Variants in DICER1 observed in about 807,000 individuals in gnomAD.
DICER1 encodes the protein endoribonuclease Dicer.
In DICER1, 43 loss-of-function variants were observed where a neutral mutation model predicts 194.1. The ratio of observed to expected loss-of-function variants is 0.22; its 90% CI spans 0.17 to 0.29. The LOEUF is 0.29. DICER1 is among the 10% of genes least tolerant of loss of function. DICER1 has a pLI of 1.00. For synonymous variants in DICER1, 832 were observed against 820.5 expected, an observed-to-expected ratio of 1.01 and a Z score of -0.24; for missense variants, 1,608 against 2,317.0, an observed-to-expected ratio of 0.69 and a Z score of 6.28.
intron 22 of DICER1, 45 bp downstream of exon 22, chr14:95,099,735 C>T (rs1376236289): frequency 2.0e-5 from 4 of 204,428 alleles, no homozygotes; most frequent in Admixed American, 2.1e-4. Context: ...TCCAGTTACA[C>T]ACACACACAC....
At chr14:95,149,174 C>A (rs1344331276) in intron 1 of DICER1, among the ~76,000 whole-genome samples, 2 of 152,070 alleles carry the variant, frequency 1.3e-5, no homozygotes, top group Non-Finnish European at 2.9e-5. Context: ...GAAAAAGGAG[C>A]CACAATTTTC....
chr14:95,124,098 A>AACCCTC lies in DICER1; in HGVS notation c.1376+92_1376+97dup. 1.2e-6 allele frequency: 1 copy of AACCCTC among 865,684 alleles called. No homozygotes were observed. The highest frequency in any genetic ancestry group is 3.2e-4 in the Middle Eastern group (1 of 3,092). The allele number at this position is 865,684 out of a possible 1,614,324, so 53.6% of individuals were successfully genotyped here. ...GGCGCCAAGTCAAGGACACTTACAT[A>AACCCTC]ACCCTCATGCTAGCTCTTACAGCTG... On this transcript the variant is annotated intron_variant, in intron 8 of 26. Coordinates refer to ENST00000343455, the MANE Select transcript of DICER1 (RefSeq NM_177438.3). The surrounding 1 kb of genome is among the most constrained non-coding windows in gnomAD (Gnocchi z 4.5).
At chr14:95,126,136 A>G (rs2140228629) in intron 7 of DICER1, among the ~76,000 whole-genome samples, 1 of 152,332 alleles carries the variant, frequency 6.6e-6, no homozygotes, top group Non-Finnish European at 1.5e-5. Flanking sequence ...GCTGCTGATG[A>G]TGATGTGGGG....
intron 4 of DICER1, 83 bp from the exon 5 acceptor site, chr14:95,130,275 G>T: frequency 7.5e-7 from 1 of 1,335,294 alleles, no homozygotes; most frequent in Non-Finnish European, 1.1e-6. Flanking sequence ...TAGAGCCATT[G>T]TATCATAAGT....
rs878855250 is a variant in DICER1, at chr14:95,108,444, C to T, written c.2316G>A (p.Val772=). 4 of 1,613,954 alleles carry T rather than the reference C, an allele frequency of 2.5e-6. No individual in the cohort carries two copies. The African/African-American group carries it at 4.0e-5, about 16-fold the overall frequency. The change falls in exon 15 of 27, where the codon GTG becomes GTA. Residue 772 remains valine, a synonymous_variant. Coordinates refer to ENST00000343455, the MANE Select transcript of DICER1 (RefSeq NM_177438.3). The part of the protein sequence containing the change: ...PRPDQPCYLY[V]IGMVLTTPLP... ...AAGGTGTAGTTAAAACCATTCCTAT[C>T]ACATACAGGTAACAGGGCTGATCAG...
rs1555376594 is a variant in DICER1, at chr14:95,133,420, G to A, written c.39C>T (p.Gly13=). 6.2e-7 allele frequency: 1 copy of A among 1,613,944 alleles called. No homozygotes were observed. Among genetic ancestry groups the A allele is most frequent in the Non-Finnish European group, 8.5e-7 (1 of 1,179,912 alleles). The change falls in exon 2 of 27, where the codon GGC becomes GGT. Residue 13 remains glycine, a synonymous_variant. Coordinates refer to ENST00000343455, the MANE Select transcript of DICER1 (RefSeq NM_177438.3). ...AGGAAGCAGGGGTCATGAGCTGCAG[G>A]CCTGCCATGCTGAGGGGTTGCAAAG... The part of the protein sequence containing the change: ...SPALQPLSMA[G]LQLMTPASSP...
intron 21 of DICER1, 99 bp from the exon 22 acceptor site, chr14:95,100,034 A>C: frequency 7.6e-7 from 1 of 1,310,868 alleles, no homozygotes; most frequent in Non-Finnish European, 1.1e-6. Flanking sequence ...TCTTAAAATT[A>C]ATCAATTAAT....
At chr14:95,125,644 G>A (rs1333081729) in intron 7 of DICER1, among the ~76,000 whole-genome samples, 2 of 33,918 alleles carry the variant, frequency 5.9e-5, no homozygotes, top group African/African-American at 1.5e-4. Flanking sequence ...GGAGGGGGAG[G>A]AGGAGAGGAG....
chr14:95,090,974 G>C, intron 26 of DICER1, 60 bp downstream of exon 26: 1 of 1,454,310 alleles, frequency 6.9e-7, no homozygotes, highest in Non-Finnish European at 9.6e-7. Flanking sequence ...ATATCTTTGT[G>C]AACTTTTCCC....
At chr14:95,117,238 A>C (rs1185370361) in intron 9 of DICER1, among the ~76,000 whole-genome samples, 2 of 152,158 alleles carry the variant, frequency 1.3e-5, no homozygotes, top group Admixed American at 1.3e-4. Flanking sequence ...TAGGCCTTTA[A>C]ATGAAAAAAA....
intron 1 of DICER1, chr14:95,141,125 G>C (rs1365539689): frequency 6.6e-6 from 1 of 151,990 alleles, no homozygotes; most frequent in African/African-American, 2.4e-5. Context: ...ATAAACGAAA[G>C]AAATAAAGAA....
At position 95,096,313 on chromosome 14, in the gene DICER1, C is replaced by T. The variant is rs1486849070; in HGVS notation, c.4607G>A (p.Gly1536Asp). The T allele has an allele frequency of 6.2e-7, 1 of 1,614,202 alleles. No individual in the cohort carries two copies. Among genetic ancestry groups the T allele is most frequent in the East Asian group, 2.2e-5 (1 of 44,890 alleles). The change falls in exon 23 of 27, where the codon GGT becomes GAT. Residue 1536 changes from glycine to aspartate, a missense_variant. Gly to Asp is a moderately conservative substitution (Grantham distance 94, BLOSUM62 -1). Around this residue, in one of 10 missense-constraint regions of DICER1, gnomAD observed 164 missense variants for 183.7 expected, o/e 0.89. Transcript: ENST00000343455. ...AATGGACTGCTTTCCCGTGTCAACACCACAGTTTTCTTCTGATGGATTCCA... is the reference window on the plus strand; with the variant it reads ...AATGGACTGCTTTCCCGTGTCAACATCACAGTTTTCTTCTGATGGATTCCA... ...GFWNPSEENC[G>D]VDTGKQSISY...
At chr14:95,128,551 T>C (rs919003267) in intron 6 of DICER1, among the ~76,000 whole-genome samples, 5 of 152,226 alleles carry the variant, frequency 3.3e-5, no homozygotes, top group African/African-American at 1.2e-4. Flanking sequence ...CAAAGAAAAT[T>C]TTCCTCAAAT....
intron 10 of DICER1, 30 bp from the exon 11 acceptor site, chr14:95,115,851 GA>G: frequency 6.2e-7 from 1 of 1,611,184 alleles, no homozygotes; most frequent in Non-Finnish European, 8.5e-7. Flanking sequence ...AACTTATGAT[GA>G]AAACACATCC....
At position 95,103,887 on chromosome 14, in the gene DICER1, G is replaced by C. The variant is rs1484416477; in HGVS notation, c.3509C>G (p.Ala1170Gly). ...SPGKLHVEVSADLTAINGLSY... is the reference protein window; with the variant it reads ...SPGKLHVEVSGDLTAINGLSY... ...AAGACCATTAATTGCTGTAAGATCTGCTGAAACTTCAACGTGGAGCTTACC... is the reference window on the plus strand; with the variant it reads ...AAGACCATTAATTGCTGTAAGATCTCCTGAAACTTCAACGTGGAGCTTACC... Residue 1170 changes from alanine to glycine, a missense_variant, in exon 21 of 27, where the codon GCA becomes GGA. Transcript: ENST00000343455. 1 of 1,614,152 alleles carries C rather than the reference G, an allele frequency of 6.2e-7. No homozygotes were observed. The highest frequency in any genetic ancestry group is 1.1e-5 in the South Asian group (1 of 91,074).
intron 10 of DICER1, among the ~76,000 whole-genome samples, 160 bp from the exon 11 acceptor site, chr14:95,115,981 A>G (rs930570295): frequency 6.6e-6 from 1 of 151,910 alleles, no homozygotes; most frequent in African/African-American, 2.4e-5. Flanking sequence ...CCTTCTTCCA[A>G]TGAATCCCTC....
At position 95,090,355 on chromosome 14, in the gene DICER1, C is replaced by T. The variant is rs1889680376; in HGVS notation, c.*143G>A. ...TATGTTAAATGTTTTATTCTGTTAT[C>T]TATCCTGTTATCAACCAAACTTTAA... On this transcript the variant is annotated 3_prime_UTR_variant, in exon 27 of 27. Coordinates refer to ENST00000343455, the MANE Select transcript of DICER1 (RefSeq NM_177438.3). 1 of 890,802 alleles carries T rather than the reference C, an allele frequency of 1.1e-6. No homozygotes were observed. Among genetic ancestry groups the T allele is most frequent in the Non-Finnish European group, 1.8e-6 (1 of 563,692 alleles). The allele number at this position is 890,802 out of a possible 1,614,324, so 55.2% of individuals were successfully genotyped here.
intron 4 of DICER1, 125 bp downstream of exon 4, chr14:95,131,383 AG>A: frequency 3.4e-6 from 3 of 880,126 alleles, no homozygotes; most frequent in Non-Finnish European, 5.5e-6. Flanking sequence ...ACTAGCTTCT[AG>A]GCTGATTAAG....
intron 1 of DICER1, among the ~76,000 whole-genome samples, chr14:95,141,501 C>T (rs776526885): frequency 6.6e-6 from 1 of 152,178 alleles, no homozygotes; most frequent in Non-Finnish European, 1.5e-5. Flanking sequence ...TCTGCAATGC[C>T]TCCACTACCA....
Sources: allele counts gnomAD v4.1 joint callset (sites outside exome capture counted in the v4.1 genomes callset), GRCh38; gene constraint gnomAD v4.1.1; regional missense constraint gnomAD v4.1.1; non-coding constraint Gnocchi (gnomAD v3.1); transcripts MANE v1.5; gene names NCBI Gene and HGNC (gene_info 2026-07-23, HGNC 2026-07-21).